The following KLKB1 variants were observed in gnomAD, a reference collection of about 807,000 sequenced individuals.
KLKB1 encodes kallikrein B1, also known as plasma kallikrein.
In KLKB1, 58 loss-of-function variants were observed where a neutral mutation model predicts 73.6. The ratio of observed to expected loss-of-function variants is 0.79; its 90% CI spans 0.64 to 0.98. The LOEUF is 0.98. Ranked by LOEUF, KLKB1 falls within the 50% of genes least tolerant of loss-of-function variation. The pLI, the probability that KLKB1 is intolerant of heterozygous loss-of-function variation, is 0.00. For synonymous variants in KLKB1, 280 were observed against 258.1 expected, an observed-to-expected ratio of 1.08 and a Z score of -0.81; for missense variants, 737 against 763.8, an observed-to-expected ratio of 0.96 and a Z score of 0.41.
intron 6 of KLKB1, among the ~76,000 whole-genome samples, chr4:186,246,293 G>GGGGTTGGGATTGAGAGGACAGAT (rs1276385338): frequency 2.0e-5 from 3 of 152,024 alleles, no homozygotes; most frequent in Non-Finnish European, 2.9e-5. Context: ...AGCAACACTT[G>GGGGTTGGGATTGAGAGGACAGAT]GGGTTGGGAT....
chr4:186,212,773 C>T (rs536294705), intron 2 of KLKB1: 2 of 152,208 alleles, frequency 1.3e-5, no homozygotes, highest in Admixed American at 1.3e-4. Context: ...ATTTGGCAAG[C>T]CCTGTAGCCT....
rs1250018629 is a variant in KLKB1 at position 186,251,287 on chromosome 4, T to A, written c.827T>A (p.Ile276Lys). The A allele has an allele frequency of 6.2e-7, 1 of 1,611,604 alleles. No individual in the cohort carries two copies. Among genetic ancestry groups the A allele is most frequent in the Non-Finnish European group, 8.5e-7 (1 of 1,177,752 alleles). ...TCCTCTACTCCTCAAGAAAACACCA[T>A]ATCTGGATATAGCCTTTTAACCTGC... ...PSSSTPQENTISGYSLLTCKR... is the reference protein window; with the variant it reads ...PSSSTPQENTKSGYSLLTCKR... Residue 276 changes from isoleucine to lysine, a missense_variant, in exon 8 of 15, where the codon ATA (isoleucine) becomes AAA (lysine). By Grantham distance (102) the Ile-to-Lys change is moderately radical (BLOSUM62 -3). Coordinates refer to ENST00000264690, the MANE Select transcript of KLKB1 (RefSeq NM_000892.5).
In KLKB1 at chr4:186,250,366, C is replaced by T. The variant is rs1175927695; in HGVS notation, c.722C>T (p.Thr241Ile). 2 of 1,614,050 alleles carry T rather than the reference C, an allele frequency of 1.2e-6. No individual in the cohort carries two copies. The highest frequency in any genetic ancestry group is 1.3e-5 in the African/African-American group (1 of 74,916). Residue 241 changes from threonine to isoleucine, a missense_variant, in exon 7 of 15, where the codon ACA (threonine) becomes ATA (isoleucine). Coordinates refer to ENST00000264690, the MANE Select transcript of KLKB1 (RefSeq NM_000892.5). ...CTYHPNCLFF[T>I]FYTNVWKIES... Reference sequence around the variant, plus strand: ...TATCACCCCAACTGCCTCTTCTTTACATTCTATACAAATGTATGGAAAATC... The same window carrying T: ...TATCACCCCAACTGCCTCTTCTTTATATTCTATACAAATGTATGGAAAATC...
chr4:186,250,829 T>A (rs920553674), intron 7 of KLKB1, among the ~76,000 whole-genome samples: 1 of 152,226 alleles, frequency 6.6e-6, no homozygotes, highest in Non-Finnish European at 1.5e-5. Context: ...TGGCCCACTG[T>A]CTTTATCTCA....
rs548703498 is a variant in KLKB1 at position 186,234,363 on chromosome 4, CA to C, written c.328+307del. On this transcript the variant is annotated intron_variant, in intron 4 of 14. Transcript: ENST00000264690. ...CCAGATAAGAATTTTTAAGAAAACA[CA>C]AGGGAACATCTCTCTCAAGTTCACT... Among the ~76,000 whole-genome samples the C allele has an allele frequency of 3.7e-3, 569 of 152,240 alleles. 4 individuals are homozygous for C. Among genetic ancestry groups the C allele is most frequent in the African/African-American group, 0.013 (553 of 41,550 alleles).
At chr4:186,238,199 C>G in intron 5 of KLKB1, 57 bp from the exon 6 acceptor site, 2 of 1,089,178 alleles carry the variant, frequency 1.8e-6, no homozygotes, top group South Asian at 2.5e-5. Context: ...GTTACCTGCA[C>G]TGCTCCCTGC....
At chr4:186,223,667 A>G (rs1345463916), upstream of KLKB1, among the ~76,000 whole-genome samples, 1 of 152,226 alleles carries the variant, frequency 6.6e-6, no homozygotes, top group Non-Finnish European at 1.5e-5. Context: ...GTCAAGTCAT[A>G]TGCGTTCACA....
chr4:186,245,805 T>TTTTG, intron 6 of KLKB1, among the ~76,000 whole-genome samples: 1 of 89,254 alleles, frequency 1.1e-5, no homozygotes, highest in Non-Finnish European at 2.3e-5. Context: ...TTTTGGAGTT[T>TTTTG]TTTTTTGTTT....
In KLKB1 at chr4:186,252,322, C is replaced by T. The variant is rs1738726752; in HGVS notation, c.1313+137C>T. On this transcript the variant is annotated intron_variant, in intron 11 of 14. Transcript: ENST00000264690. ...CGGGGATGGTATTCACAACATTTAA[C>T]TTATAGGGTCCAAGCACTGACCAAC... 1.5e-5 allele frequency: 14 copies of T among 965,346 alleles called. No homozygotes were observed. In the South Asian group the frequency reaches 2.0e-4, roughly 14 times the overall value. The allele number at this position is 965,346 out of a possible 1,614,324, so 59.8% of individuals were successfully genotyped here.
chr4:186,245,903 T>G (rs926689630), intron 6 of KLKB1, among the ~76,000 whole-genome samples: 7 of 149,862 alleles, frequency 4.7e-5, no homozygotes, highest in Non-Finnish European at 1.0e-4. Context: ...CCCTTCTGGG[T>G]CTAGGGCTGT....
intron 6 of KLKB1, among the ~76,000 whole-genome samples, chr4:186,246,289 A>G (rs1211014823): frequency 6.6e-6 from 1 of 151,988 alleles, no homozygotes; most frequent in Non-Finnish European, 1.5e-5. Flanking sequence ...ACTCAGCAAC[A>G]CTTGGGGTTG....
chr4:186,215,245 TA>T (rs200208661), intron 2 of KLKB1, among the ~76,000 whole-genome samples: 3,000 of 140,870 alleles, frequency 0.021, 26 homozygotes, highest in South Asian at 0.038. Flanking sequence ...AGCTGAATAG[TA>T]AAAAAAAAAA....
At chr4:186,235,699 T>C (rs1196907783) in intron 4 of KLKB1, among the ~76,000 whole-genome samples, 1 of 152,206 alleles carries the variant, frequency 6.6e-6, no homozygotes, top group Non-Finnish European at 1.5e-5. Flanking sequence ...GAAAGGTATC[T>C]GTAGTAGATT....
At chr4:186,225,916 A>G (rs1201166207), upstream of KLKB1, among the ~76,000 whole-genome samples, 2 of 152,000 alleles carry the variant, frequency 1.3e-5, 1 homozygote. Flanking sequence ...TTTTCTTAAC[A>G]GTGTCCTATA....
At chr4:186,212,794 AGACAGG>A (rs1465082926) in intron 2 of KLKB1, 1 of 152,246 alleles carries the variant, frequency 6.6e-6, no homozygotes, top group African/African-American at 2.4e-5. Flanking sequence ...GGGCCATTTA[AGACAGG>A]GGCGGTCTCA....
intron 5 of KLKB1, 46 bp downstream of exon 5, chr4:186,236,986 G>A: frequency 6.3e-7 from 1 of 1,590,694 alleles, no homozygotes; most frequent in Non-Finnish European, 8.6e-7. Context: ...GTGCCTCCAG[G>A]ATTTCACTGT....
chr4:186,239,276 A>G (rs377574600), intron 6 of KLKB1, among the ~76,000 whole-genome samples: 56,819 of 93,554 alleles, frequency 0.61, 17,831 homozygotes, highest in African/African-American at 0.73. Context: ...ATAGTTATAG[A>G]AAACTAGTAC....
intron 4 of KLKB1, among the ~76,000 whole-genome samples, chr4:186,234,510 A>G (rs989459248): frequency 1.3e-5 from 2 of 152,198 alleles, no homozygotes; most frequent in Non-Finnish European, 1.5e-5. Context: ...TGCTATTAGC[A>G]TTTACTAAGT....
intron 6 of KLKB1, among the ~76,000 whole-genome samples, chr4:186,240,493 C>A (rs1173572548): frequency 2.0e-5 from 3 of 152,150 alleles, no homozygotes; most frequent in African/African-American, 7.2e-5. Context: ...TCGTTTCACA[C>A]ATAAAGGTAA....
Sources: gnomAD v4.1 joint callset for allele counts (sites outside exome capture counted in the v4.1 genomes callset) on GRCh38, gnomAD v4.1.1 for gene constraint, MANE v1.5 for transcripts, NCBI Gene and HGNC (gene_info 2026-07-23, HGNC 2026-07-21) for gene names.